Variants in CNOT2 observed in about 807,000 individuals in gnomAD.
CNOT2 encodes the protein CCR4-NOT transcription complex subunit 2.
Under a neutral mutation model 72.1 loss-of-function variants are expected in CNOT2, and 7 were observed. The ratio of observed to expected loss-of-function variants is 0.10; its 90% confidence interval spans 0.06 to 0.18. CNOT2 has a LOEUF of 0.18. Among genes scored for constraint, CNOT2 ranks in the 10% least tolerant of loss-of-function variants. The pLI, the probability that CNOT2 is intolerant of heterozygous loss-of-function variation, is 1.00. For synonymous variants in CNOT2, 196 were observed against 225.6 expected (o/e 0.87, Z 1.17); for missense variants, 345 against 660.3 (o/e 0.52, Z 5.23).
intron 2 of CNOT2, among the ~76,000 whole-genome samples, chr12:70,302,453 C>G (rs1447748311): frequency 1.3e-5 from 2 of 151,692 alleles, no homozygotes; most frequent in Non-Finnish European, 1.5e-5. Context: ...ATCTTTATTT[C>G]TGCCTTCATT....
At chr12:70,290,037 T>C (rs1303197681) in intron 2 of CNOT2, among the ~76,000 whole-genome samples, 2 of 152,138 alleles carry the variant, frequency 1.3e-5, no homozygotes, top group Middle Eastern at 3.2e-3. Flanking sequence ...CTTTTCTTTT[T>C]TTTCTTTTTT....
intron 4 of CNOT2, among the ~76,000 whole-genome samples, chr12:70,325,565 T>C (rs2870879): frequency 0.078 from 11,847 of 151,976 alleles, 581 homozygotes; most frequent in Admixed American, 0.15. Context: ...GAATTCTTTA[T>C]CTGTAACCTA....
At chr12:70,277,293 C>A in intron 1 of CNOT2, among the ~76,000 whole-genome samples, 1 of 152,128 alleles carries the variant, frequency 6.6e-6, no homozygotes, top group East Asian at 1.9e-4. Flanking sequence ...TTTGAACTCT[C>A]ATTTTCAATA....
chr12:70,260,983 C>T (rs1003825224), intron 1 of CNOT2, among the ~76,000 whole-genome samples: 1 of 151,714 alleles, frequency 6.6e-6, no homozygotes, highest in African/African-American at 2.4e-5. Context: ...AGACTTTCAC[C>T]TTTGAGTATA....
At chr12:70,341,646 G>A in intron 11 of CNOT2, among the ~76,000 whole-genome samples, 1 of 152,098 alleles carries the variant, frequency 6.6e-6, no homozygotes, top group South Asian at 2.1e-4. Context: ...TCCTAGAACA[G>A]TGCCAGGCAT....
At chr12:70,294,428 T>G in intron 2 of CNOT2, 1 of 405,232 alleles carries the variant, frequency 2.5e-6, no homozygotes, top group Non-Finnish European at 4.1e-6. Context: ...ATTATTTTTC[T>G]CATAAAACTC....
At chr12:70,273,706 C>G (rs1478669920) in intron 1 of CNOT2, among the ~76,000 whole-genome samples, 2 of 152,084 alleles carry the variant, frequency 1.3e-5, no homozygotes, top group Non-Finnish European at 2.9e-5. Flanking sequence ...TATAAGTATT[C>G]ACTTCATTTG....
chr12:70,332,026 G>GT (rs1450384889), intron 6 of CNOT2, among the ~76,000 whole-genome samples: 1 of 151,050 alleles, frequency 6.6e-6, no homozygotes, highest in African/African-American at 2.4e-5. Context: ...GGAGGCAACT[G>GT]TAACTATTTA....
At chr12:70,301,106 TAAG>T (rs1184944456) in intron 2 of CNOT2, among the ~76,000 whole-genome samples, 1 of 152,204 alleles carries the variant, frequency 6.6e-6, no homozygotes, top group Non-Finnish European at 1.5e-5. Context: ...ATTATCAGCT[TAAG>T]GAGATTTTGG....
intron 14 of CNOT2, chr12:70,344,442 C>T (rs1212369670): frequency 4.5e-6 from 2 of 448,680 alleles, no homozygotes; most frequent in East Asian, 7.7e-5. Context: ...AAACTTAATG[C>T]TGAAGCTGGG....
intron 2 of CNOT2, among the ~76,000 whole-genome samples, chr12:70,303,103 T>C (rs1230359916): frequency 3.3e-5 from 5 of 152,278 alleles, no homozygotes; most frequent in Non-Finnish European, 7.3e-5. Flanking sequence ...TTTGAGCCTA[T>C]GTGTGTCTCT....
chr12:70,290,491 A>C (rs1053003562), intron 2 of CNOT2, among the ~76,000 whole-genome samples: 1 of 152,100 alleles, frequency 6.6e-6, no homozygotes, highest in Non-Finnish European at 1.5e-5. Context: ...TCTTATAAGC[A>C]AGGGTAGTTG....
In CNOT2 at chr12:70,268,520, A is replaced by G. The variant is rs956968346; in HGVS notation, c.-95-9612A>G. On this transcript the variant is annotated intron_variant, in intron 1 of 15. Coordinates refer to ENST00000229195, the MANE Select transcript of CNOT2 (RefSeq NM_014515.7). ...GAGTGCAGTGGTGCAGTCAGGGCTCACTTGCAGCCTTGAACTTCTGGGCTC... is the reference window on the plus strand; with the variant it reads ...GAGTGCAGTGGTGCAGTCAGGGCTCGCTTGCAGCCTTGAACTTCTGGGCTC... Among the ~76,000 whole-genome samples, 40 of 152,118 alleles carry G rather than the reference A, an allele frequency of 2.6e-4. 1 individual carries two copies. The highest frequency in any genetic ancestry group is 2.6e-3 in the Admixed American group (39 of 15,260).
intron 13 of CNOT2, among the ~76,000 whole-genome samples, chr12:70,342,711 T>A (rs952817708): frequency 6.6e-6 from 1 of 152,162 alleles, no homozygotes; most frequent in African/African-American, 2.4e-5. Flanking sequence ...TCCATTTTTT[T>A]AAATCACCTA....
Position 70,323,704 on chromosome 12 carries a change from A to C in CNOT2, c.238+4340A>C, listed in dbSNP as rs530150634. Reference sequence around the variant, plus strand: ...GTTAGGCTGTTATATTGATTTCAGCAAGAAGTACAGTCTTCACATTTCTGA... The same window carrying C: ...GTTAGGCTGTTATATTGATTTCAGCCAGAAGTACAGTCTTCACATTTCTGA... On this transcript the variant is annotated intron_variant, in intron 4 of 15. Transcript: ENST00000229195. The C allele has an allele frequency of 1.9e-4, 29 of 151,944 alleles. No homozygotes were observed. In the East Asian group the frequency reaches 5.4e-3, roughly 28 times the overall value. The allele number at this position is 151,944 out of a possible 1,614,324, so 9.4% of individuals were successfully genotyped here.
intron 2 of CNOT2, among the ~76,000 whole-genome samples, chr12:70,290,356 T>C (rs1374794444): frequency 6.6e-6 from 1 of 152,142 alleles, no homozygotes; most frequent in East Asian, 1.9e-4. Context: ...CATTCTTGTT[T>C]AGTATCCCAG....
At chr12:70,272,179 T>A (rs1959325670) in intron 1 of CNOT2, among the ~76,000 whole-genome samples, 1 of 152,234 alleles carries the variant, frequency 6.6e-6, no homozygotes, top group Non-Finnish European at 1.5e-5. Context: ...CTTCATTTAT[T>A]CAGTAAAATG....
chr12:70,315,052 C>T (rs1485470425), intron 3 of CNOT2, among the ~76,000 whole-genome samples: 2 of 152,008 alleles, frequency 1.3e-5, no homozygotes, highest in South Asian at 4.2e-4. Context: ...TTAGTAGAAA[C>T]GGGGTTTCTC....
At position 70,303,388 on chromosome 12, in the gene CNOT2, A is replaced by G. The variant is rs564154338; in HGVS notation, c.49-7507A>G. Among the ~76,000 whole-genome samples, 5 of 152,184 alleles carry G rather than the reference A, an allele frequency of 3.3e-5. No individual in the cohort carries two copies. In the South Asian group the frequency reaches 1.0e-3, roughly 32 times the overall value. ...CCTTTCCGTGTTTAGTGCTTCCTTC[A>G]TGAGCTATTTTAGGGCAGGCCTGGT... On this transcript the variant is annotated intron_variant, in intron 2 of 15. Transcript: ENST00000229195.
Sources: gnomAD v4.1 joint callset for allele counts (sites outside exome capture counted in the v4.1 genomes callset) on GRCh38, gnomAD v4.1.1 for gene constraint, MANE v1.5 for transcripts, NCBI Gene and HGNC (gene_info 2026-07-23, HGNC 2026-07-21) for gene names.